ATG4D: variants seen among roughly 807,000 people sequenced by gnomAD.
ATG4D encodes the protein cysteine protease ATG4D.
In ATG4D, 51 loss-of-function variants were observed where a neutral mutation model predicts 55.2. The observed-to-expected ratio is 0.92, with a 90% CI of 0.74 to 1.17. The LOEUF is 1.17. Ranked by LOEUF, ATG4D falls within the 50% of genes most tolerant of loss-of-function variation. The pLI, the probability that ATG4D is intolerant of heterozygous loss-of-function variation, is 0.00. For synonymous variants in ATG4D, 268 were observed against 266.2 expected, an observed-to-expected ratio of 1.01 and a Z score of -0.07; for missense variants, 635 against 649.6, an observed-to-expected ratio of 0.98 and a Z score of 0.25.
chr19:10,546,760 T>C, intron 3 of ATG4D, 79 bp from the exon 4 acceptor site: 2 of 1,426,620 alleles, frequency 1.4e-6, no homozygotes, highest in East Asian at 2.3e-5. Context: ...AGCATTCGCA[T>C]TGTGTGCGGT....
Position 10,544,148 on chromosome 19 carries a change from C to G in ATG4D, c.58C>G (p.Arg20Gly). 1 of 1,244,314 alleles carries G rather than the reference C, an allele frequency of 8.0e-7. No individual in the cohort carries two copies. Among genetic ancestry groups the G allele is most frequent in the Non-Finnish European group, 1.0e-6 (1 of 986,962 alleles). 77.1% of individuals were successfully genotyped at this position (1,244,314 alleles called of 1,614,324 possible). ...CCGGAGCAGCAGCCCGGAGGACGCG[C>G]GCCGCCGGCCCGAGGCCCGCAGGCC... ...QYRSSSPEDA[R>G]RRPEARRPRG... Residue 20 changes from arginine to glycine, a missense_variant, in exon 1 of 10, where the codon CGC becomes GGC. Physicochemically the swap from Arg to Gly is moderately radical, Grantham distance 125. Coordinates refer to ENST00000309469, the MANE Select transcript of ATG4D (RefSeq NM_032885.6).
rs1916320233 is a variant in ATG4D, at chr19:10,552,773, G to A, written c.1243-112G>A. 4.3e-6 allele frequency: 5 copies of A among 1,156,840 alleles called. No homozygotes were observed. In the Admixed American group the frequency reaches 1.1e-4, roughly 26 times the overall value. The allele number at this position is 1,156,840 out of a possible 1,614,324, so 71.7% of individuals were successfully genotyped here. On this transcript the variant is annotated intron_variant, in intron 9 of 9. Coordinates refer to ENST00000309469, the MANE Select transcript of ATG4D (RefSeq NM_032885.6). ...GGCCAGGGGATGGAAGGTGCTGATT[G>A]GCTGCTCTCTCCTGGAGAGGTGGTC...
intron 1 of ATG4D, 140 bp from the exon 2 acceptor site, chr19:10,544,643 C>G: frequency 6.8e-7 from 1 of 1,471,258 alleles, no homozygotes; most frequent in East Asian, 2.4e-5. Flanking sequence ...CACTGGGGGC[C>G]CCACCTCCGA....
At chr19:10,547,812 T>A (rs1176444407) in intron 5 of ATG4D, among the ~76,000 whole-genome samples, 2 of 150,930 alleles carry the variant, frequency 1.3e-5, no homozygotes, top group African/African-American at 4.9e-5. Context: ...TTCTCCTGCC[T>A]CAGCCTCTCA....
In ATG4D at chr19:10,552,321, C is replaced by T; in HGVS notation, c.1239C>T (p.Thr413=). 1 of 1,610,470 alleles carries T rather than the reference C, an allele frequency of 6.2e-7. No homozygotes were observed. Among genetic ancestry groups the T allele is most frequent in the Non-Finnish European group, 8.5e-7 (1 of 1,178,526 alleles). ...TTGAGACACTCTGCTCAGAGCTGAC[C>T]AGGGTGAGCAAGAGGAAAGCTGGAG... ...KEFETLCSEL[T]RVLSSSSATE... is the part of the protein sequence containing the mutation. The change falls in exon 9 of 10, where the codon ACC becomes ACT. Residue 413 remains threonine, a synonymous_variant. Coordinates refer to ENST00000309469, the MANE Select transcript of ATG4D (RefSeq NM_032885.6).
chr19:10,548,474 G>A (rs1379575748), intron 5 of ATG4D, among the ~76,000 whole-genome samples: 1 of 152,154 alleles, frequency 6.6e-6, no homozygotes, highest in Admixed American at 6.6e-5. Context: ...GGGGGCAGGA[G>A]AATGGGCCCA....
At chr19:10,548,003 A>ATTTTTTTTT (rs60924749) in intron 5 of ATG4D, among the ~76,000 whole-genome samples, 5 of 35,000 alleles carry the variant, frequency 1.4e-4, no homozygotes, top group African/African-American at 2.1e-4. Context: ...AGCCCCTGTA[A>ATTTTTTTTT]TTTTTTTTTT....
chr19:10,552,746 G>A, intron 9 of ATG4D, 139 bp from the exon 10 acceptor site: 1 of 906,892 alleles, frequency 1.1e-6, no homozygotes, highest in South Asian at 1.7e-5. Flanking sequence ...GCCAATCACT[G>A]TGGCCAGGGG....
At chr19:10,544,719 G>T in intron 1 of ATG4D, 64 bp from the exon 2 acceptor site, 1 of 1,601,828 alleles carries the variant, frequency 6.2e-7, no homozygotes, top group South Asian at 1.1e-5. Context: ...ATGGGGGAAT[G>T]GAAGCGCTGT....
At chr19:10,548,334 C>G (rs570514448) in intron 5 of ATG4D, among the ~76,000 whole-genome samples, 2 of 151,852 alleles carry the variant, frequency 1.3e-5, no homozygotes, top group Non-Finnish European at 2.9e-5. Context: ...TGCCCGGCTA[C>G]CTCTGTAAAT....
Position 10,553,132 on chromosome 19 carries a change from G to A in ATG4D, c.*65G>A. ...TTTTATTTATGTCATGTCGGGTGTG[G>A]GATCTTGAGCTCTGGCAGTGATGAT... On this transcript the variant is annotated 3_prime_UTR_variant, in exon 10 of 10. Coordinates refer to ENST00000309469, the MANE Select transcript of ATG4D (RefSeq NM_032885.6). 1.3e-6 allele frequency: 2 copies of A among 1,489,164 alleles called. No individual in the cohort carries two copies. Among genetic ancestry groups the A allele is most frequent in the Non-Finnish European group, 1.8e-6 (2 of 1,118,498 alleles). 92.2% of individuals were successfully genotyped at this position (1,489,164 alleles called of 1,614,324 possible).
intron 5 of ATG4D, 71 bp downstream of exon 5, chr19:10,547,324 G>A: frequency 6.4e-7 from 1 of 1,552,626 alleles, no homozygotes; most frequent in African/African-American, 1.3e-5. Context: ...GATTCTTAGA[G>A]TGCATCTTCC....
In ATG4D at chr19:10,547,021, C is replaced by G. The variant is rs760204929; in HGVS notation, c.676C>G (p.Pro226Ala). 1.3e-6 allele frequency: 2 copies of G among 1,587,916 alleles called. No homozygotes were observed. The highest frequency in any genetic ancestry group is 2.3e-5 in the South Asian group (2 of 88,414). Residue 226 changes from proline (P) to alanine (A), a missense_variant, in exon 4 of 10, where the codon CCC (proline) becomes GCC (alanine). Coordinates refer to ENST00000309469, the MANE Select transcript of ATG4D (RefSeq NM_032885.6). ...VSWFADHPRA[P>A]FGLHRLVELG... is the part of the protein sequence containing the mutation. ...CTGGTTCGCCGACCACCCCCGGGCC[C>G]CCTTTGGCCTACACCGGCTGGTGGA...
rs142336391 is a variant in ATG4D, at chr19:10,546,871, C to A, written c.526C>A (p.Pro176Thr). The change falls in exon 4 of 10, where the codon CCC becomes ACC. Residue 176 changes from proline (P) to threonine (T), a missense_variant. Transcript: ENST00000309469. The stretch of plus-strand genomic sequence containing the variant: ...ATGGGCCGAGGGCATGGGCCTGGGC[C>A]CCCCTGAGCTGTCAGGGTCAGCCTC... The part of the protein sequence containing the change: ...WTWAEGMGLG[P>T]PELSGSASPS... 3 of 1,603,436 alleles carry A rather than the reference C, an allele frequency of 1.9e-6. No homozygotes were observed. The highest frequency in any genetic ancestry group is 1.3e-5 in the African/African-American group (1 of 74,752).
chr19:10,548,116 C>T (rs1353402776), intron 5 of ATG4D, among the ~76,000 whole-genome samples: 5 of 136,936 alleles, frequency 3.7e-5, no homozygotes, highest in Admixed American at 7.8e-5. Context: ...CTGCAACCTC[C>T]GCCTCCTGAG....
chr19:10,545,061 T>C lies in ATG4D; in HGVS notation c.424T>C (p.Trp142Arg), dbSNP rs1165905627. The C allele has an allele frequency of 6.2e-7, 1 of 1,613,348 alleles. No individual in the cohort carries two copies. Among genetic ancestry groups the C allele is most frequent in the African/African-American group, 1.3e-5 (1 of 74,924 alleles). Residue 142 changes from tryptophan (W) to arginine (R), a missense_variant, in exon 3 of 10, where the codon TGG becomes CGG. Coordinates refer to ENST00000309469, the MANE Select transcript of ATG4D (RefSeq NM_032885.6). ...PGGCLTSDCG[W>R]GCMLRSGQMM... is the part of the protein sequence containing the mutation. The stretch of plus-strand genomic sequence containing the variant: ...GGGCTGCCTGACCTCGGACTGTGGC[T>C]GGGGGTGCATGTTACGCAGCGGCCA...
At chr19:10,549,075 C>G (rs778431773) in intron 6 of ATG4D, 41 bp downstream of exon 6, 1 of 1,610,546 alleles carries the variant, frequency 6.2e-7, no homozygotes, top group South Asian at 1.1e-5. Context: ...ACCTGGGAGC[C>G]CTCCAGACTT....
chr19:10,547,806 C>T (rs1171556004), intron 5 of ATG4D, among the ~76,000 whole-genome samples: 1 of 151,046 alleles, frequency 6.6e-6, no homozygotes, highest in Non-Finnish European at 1.5e-5. Flanking sequence ...AAGCGATTCT[C>T]CTGCCTCAGC....
At chr19:10,544,914 G>T in intron 2 of ATG4D, 43 bp from the exon 3 acceptor site, 2 of 1,585,832 alleles carry the variant, frequency 1.3e-6, no homozygotes, top group Non-Finnish European at 1.7e-6. Context: ...CTCCACGCCC[G>T]CCGGAGTGTC....
Sources: gnomAD v4.1 joint callset for allele counts (sites outside exome capture counted in the v4.1 genomes callset) on GRCh38, gnomAD v4.1.1 for gene constraint, MANE v1.5 for transcripts, NCBI Gene and HGNC (gene_info 2026-07-23, HGNC 2026-07-21) for gene names.